TMEM117: variants seen among roughly 807,000 people sequenced by gnomAD.
TMEM117 encodes transmembrane protein 117.
Under a neutral mutation model 52.4 loss-of-function variants are expected in TMEM117, and 27 were observed. That is an observed-to-expected ratio of 0.51 (90% CI 0.38 to 0.71). The LOEUF (loss-of-function observed/expected upper bound fraction) is 0.71. TMEM117 is among the 30% of genes least tolerant of loss of function. TMEM117 has a pLI of 0.00. For synonymous variants in TMEM117, 215 were observed against 206.3 expected (o/e 1.04, Z -0.36); for missense variants, 556 against 630.5 (o/e 0.88, Z 1.26).
At chr12:43,816,496 C>T in the TMEM117 span, among the ~76,000 whole-genome samples, 2 of 151,934 alleles carry the variant, frequency 1.3e-5, no homozygotes, top group African/African-American at 2.4e-5. Flanking sequence ...ACCTCCTATC[C>T]ACTACTCATG....
chr12:44,341,241 A>G (rs926571616), intron 6 of TMEM117, among the ~76,000 whole-genome samples: 4 of 151,910 alleles, frequency 2.6e-5, no homozygotes, highest in Non-Finnish European at 4.4e-5. Flanking sequence ...GGCTCAAGCA[A>G]TGCTCCCACC....
chr12:44,350,593 C>G (rs1004358435), intron 6 of TMEM117, among the ~76,000 whole-genome samples: 24 of 151,862 alleles, frequency 1.6e-4, no homozygotes, highest in African/African-American at 5.1e-4. Context: ...TTTTTAGATC[C>G]CACAAATAAT....
chr12:44,021,847 T>C (rs1470829255), intron 3 of TMEM117, among the ~76,000 whole-genome samples: 2 of 152,208 alleles, frequency 1.3e-5, no homozygotes, highest in Non-Finnish European at 2.9e-5. Flanking sequence ...GGAAGTACTC[T>C]TGCTGGGAGG....
At chr12:44,181,305 C>T (rs1406801900) in intron 4 of TMEM117, among the ~76,000 whole-genome samples, 97 of 151,970 alleles carry the variant, frequency 6.4e-4, no homozygotes, top group African/African-American at 2.3e-3. Context: ...CTGTAGGTTG[C>T]CTGTTCACTC....
At chr12:43,945,481 T>G (rs1040655578) in intron 3 of TMEM117, among the ~76,000 whole-genome samples, 1 of 152,224 alleles carries the variant, frequency 6.6e-6, no homozygotes, top group East Asian at 1.9e-4. Flanking sequence ...CCACCACACC[T>G]GGCTAATTTT....
At chr12:43,860,504 G>A (rs1036977761) in intron 2 of TMEM117, among the ~76,000 whole-genome samples, 1 of 152,108 alleles carries the variant, frequency 6.6e-6, no homozygotes, top group Non-Finnish European at 1.5e-5. Flanking sequence ...TCTAGGGAGG[G>A]GTCCAGAGAG....
At chr12:43,839,398 C>T (rs1268189402) in intron 1 of TMEM117, among the ~76,000 whole-genome samples, 1 of 152,132 alleles carries the variant, frequency 6.6e-6, no homozygotes, top group African/African-American at 2.4e-5. Flanking sequence ...CTCCCCTGCA[C>T]CTGCTCCCCA....
At chr12:44,364,863 C>A (rs1442279395) in intron 6 of TMEM117, among the ~76,000 whole-genome samples, 1 of 152,042 alleles carries the variant, frequency 6.6e-6, no homozygotes, top group Admixed American at 6.6e-5. Flanking sequence ...CAAATCTTAA[C>A]CATCACATAA....
chr12:44,091,935 A>G (rs1033186453), intron 3 of TMEM117, among the ~76,000 whole-genome samples: 3 of 152,202 alleles, frequency 2.0e-5, no homozygotes, highest in East Asian at 1.9e-4. Flanking sequence ...TTCAAATACT[A>G]CACCCACATT....
chr12:44,200,415 A>C (rs1374249970), intron 4 of TMEM117, among the ~76,000 whole-genome samples: 1 of 152,216 alleles, frequency 6.6e-6, no homozygotes, highest in Non-Finnish European at 1.5e-5. Flanking sequence ...AAACATTGTT[A>C]ATTAAAAACT....
chr12:44,066,347 A>C (rs1346976799), intron 3 of TMEM117, among the ~76,000 whole-genome samples: 1 of 152,178 alleles, frequency 6.6e-6, no homozygotes, highest in Non-Finnish European at 1.5e-5. Flanking sequence ...CATTCTCTGA[A>C]ACTGTTTGTA....
intron 5 of TMEM117, among the ~76,000 whole-genome samples, chr12:44,230,541 C>T (rs554556972): frequency 6.6e-6 from 1 of 152,134 alleles, no homozygotes; most frequent in East Asian, 1.9e-4. Context: ...TGAAGAACAT[C>T]AACAGCCAAC....
chr12:43,907,486 G>A (rs1944413279), intron 2 of TMEM117, among the ~76,000 whole-genome samples: 1 of 151,644 alleles, frequency 6.6e-6, no homozygotes, highest in Non-Finnish European at 1.5e-5. Flanking sequence ...ACAGAACAAA[G>A]CTGGACGGAG....
intron 5 of TMEM117, among the ~76,000 whole-genome samples, chr12:44,297,715 A>G (rs1950786063): frequency 6.6e-6 from 1 of 152,248 alleles, no homozygotes; most frequent in Admixed American, 6.5e-5. Flanking sequence ...CTTCTTGAAA[A>G]AAGAAATTGT....
rs1565701471 is a variant in TMEM117 at position 44,311,807 on chromosome 12, ATATATGTATATATATG to A, written c.768+12074_768+12089del. On this transcript the variant is annotated intron_variant, in intron 6 of 7. Coordinates refer to ENST00000266534, the MANE Select transcript of TMEM117 (RefSeq NM_032256.3). Reference sequence around the variant, plus strand: ...TATATGTATATATATGTATATATGTATATATGTATATATATGTATATATGTATATATGTATATATAT... The same window carrying A: ...TATATGTATATATATGTATATATGTATATATATGTATATATGTATATATAT... Among the ~76,000 whole-genome samples the A allele has an allele frequency of 1.4e-3, 141 of 101,080 alleles. 4 individuals are homozygous for A. The highest frequency in any genetic ancestry group is 5.5e-3 in the African/African-American group (112 of 20,380). The allele number at this position is 101,080 out of a possible 152,430, so 66.3% of individuals were successfully genotyped here.
At chr12:44,334,196 C>T (rs1255950324) in intron 6 of TMEM117, among the ~76,000 whole-genome samples, 2 of 151,946 alleles carry the variant, frequency 1.3e-5, no homozygotes, top group Non-Finnish European at 2.9e-5. Flanking sequence ...GATTTCAAAT[C>T]CTATTCATGA....
chr12:44,107,153 C>A (rs115695652), intron 3 of TMEM117, among the ~76,000 whole-genome samples: 10 of 151,942 alleles, frequency 6.6e-5, no homozygotes, highest in African/African-American at 1.9e-4. Flanking sequence ...CTCAAAATAA[C>A]CTTATATATA....
intron 4 of TMEM117, among the ~76,000 whole-genome samples, chr12:44,186,399 T>G (rs1949278938): frequency 6.6e-6 from 1 of 152,204 alleles, no homozygotes; most frequent in South Asian, 2.1e-4. Context: ...ACAACTTGTT[T>G]GTTTAATTGA....
chr12:44,202,733 C>T (rs7316737), intron 4 of TMEM117, among the ~76,000 whole-genome samples: 36,721 of 151,356 alleles, frequency 0.24, 7,860 homozygotes, highest in African/African-American at 0.58. Flanking sequence ...GCTCTTCTTG[C>T]ATGTCTGATA....
Sources: gnomAD v4.1 joint callset for allele counts (sites outside exome capture counted in the v4.1 genomes callset) on GRCh38, gnomAD v4.1.1 for gene constraint, MANE v1.5 for transcripts, NCBI Gene and HGNC (gene_info 2026-07-23, HGNC 2026-07-21) for gene names.